The following RARS2 variants were observed in gnomAD, a reference collection of about 807,000 sequenced individuals.
The protein encoded by RARS2 is arginyl-tRNA synthetase 2, mitochondrial.
In RARS2, 67 loss-of-function variants were observed where a neutral mutation model predicts 88.5. The ratio of observed to expected loss-of-function variants is 0.76; its 90% confidence interval spans 0.62 to 0.93. The LOEUF is 0.93. Ranked by LOEUF, RARS2 falls within the 40% of genes least tolerant of loss-of-function variation. The pLI, the probability that RARS2 is intolerant of heterozygous loss-of-function variation, is 0.00. For missense variants in RARS2, 664 were observed against 684.2 expected, an observed-to-expected ratio of 0.97 and a Z score of 0.33; for synonymous variants, 239 against 230.3, an observed-to-expected ratio of 1.04 and a Z score of -0.34.
intron 3 of RARS2, 77 bp from the exon 4 acceptor site, chr6:87,562,862 T>C: frequency 8.3e-7 from 1 of 1,204,934 alleles, no homozygotes; most frequent in Non-Finnish European, 1.2e-6. Context: ...ATGCTATTTT[T>C]GGCTTACAAA....
chr6:87,553,189 T>G (rs1291777129), intron 5 of RARS2, among the ~76,000 whole-genome samples: 2 of 152,202 alleles, frequency 1.3e-5, no homozygotes, highest in Non-Finnish European at 2.9e-5. Context: ...GAGGTCTTGC[T>G]ACCCTGCGGG....
intron 1 of RARS2, among the ~76,000 whole-genome samples, chr6:87,589,463 A>T (rs769502837): frequency 1.3e-5 from 2 of 152,208 alleles, no homozygotes; most frequent in African/African-American, 2.4e-5. Flanking sequence ...GATAGCTCTT[A>T]TATCTTTGGG....
At chr6:87,586,532 T>G (rs1775209238) in intron 1 of RARS2, among the ~76,000 whole-genome samples, 1 of 152,216 alleles carries the variant, frequency 6.6e-6, no homozygotes, top group Non-Finnish European at 1.5e-5. Context: ...ATACAGTGAT[T>G]ACAGGCTGCA....
At chr6:87,573,750 C>A (rs780496646) in intron 1 of RARS2, among the ~76,000 whole-genome samples, 2 of 152,004 alleles carry the variant, frequency 1.3e-5, no homozygotes, top group Non-Finnish European at 2.9e-5. Context: ...ATGAAAGCTT[C>A]TTCACATAAT....
chr6:87,559,652 C>T (rs573310895), intron 4 of RARS2, among the ~76,000 whole-genome samples: 1 of 152,134 alleles, frequency 6.6e-6, no homozygotes, highest in Non-Finnish European at 1.5e-5. Flanking sequence ...CCACCATGTC[C>T]AGGCAAGAAA....
chr6:87,514,513 C>A lies in RARS2; in HGVS notation c.1651-14G>T. 3 of 1,586,804 alleles carry A rather than the reference C, an allele frequency of 1.9e-6. No homozygotes were observed. The highest frequency in any genetic ancestry group is 1.1e-5 in the South Asian group (1 of 90,430). On this transcript the variant is annotated splice_polypyrimidine_tract_variant and intron_variant, in intron 19 of 19. Transcript: ENST00000369536. ...ATGAAGTCTGGCCTACAAAATAAATCAAAGAATGATTTAAAATATTCAGTA... is the reference window on the plus strand; with the variant it reads ...ATGAAGTCTGGCCTACAAAATAAATAAAAGAATGATTTAAAATATTCAGTA...
chr6:87,555,663 T>G (rs895569692), intron 4 of RARS2, among the ~76,000 whole-genome samples, 158 bp from the exon 5 acceptor site: 3 of 152,260 alleles, frequency 2.0e-5, no homozygotes, highest in African/African-American at 7.2e-5. Context: ...CCACTTTTCT[T>G]GTTACTAATG....
chr6:87,527,705 AAAC>A (rs1776204034), intron 10 of RARS2, among the ~76,000 whole-genome samples: 4 of 152,330 alleles, frequency 2.6e-5, no homozygotes, highest in East Asian at 1.9e-4. Context: ...CTCAATGGAA[AAAC>A]AACAACAAAA....
At chr6:87,541,147 G>C (rs1014903158) in intron 8 of RARS2, among the ~76,000 whole-genome samples, 2 of 152,138 alleles carry the variant, frequency 1.3e-5, no homozygotes, top group Non-Finnish European at 2.9e-5. Context: ...CTTAGATTAG[G>C]AAATAAAAAT....
At chr6:87,580,778 GCTTA>G (rs1773249152) in intron 1 of RARS2, among the ~76,000 whole-genome samples, 1 of 151,570 alleles carries the variant, frequency 6.6e-6, no homozygotes, top group Non-Finnish European at 1.5e-5. Context: ...TTATTTATTT[GCTTA>G]CTTATTTTTA....
At chr6:87,571,607 T>C (rs1174008482) in intron 1 of RARS2, among the ~76,000 whole-genome samples, 1 of 152,122 alleles carries the variant, frequency 6.6e-6, no homozygotes, top group Non-Finnish European at 1.5e-5. Flanking sequence ...AAGGGAATGA[T>C]GGGGGAAACA....
At chr6:87,567,073 G>C (rs1457318215) in intron 2 of RARS2, among the ~76,000 whole-genome samples, 1 of 151,966 alleles carries the variant, frequency 6.6e-6, no homozygotes, top group East Asian at 1.9e-4. Context: ...CCAACATGGT[G>C]AAACCCCGTC....
intron 4 of RARS2, among the ~76,000 whole-genome samples, chr6:87,558,967 G>A (rs72922561): frequency 0.11 from 17,284 of 152,256 alleles, 1,055 homozygotes; most frequent in East Asian, 0.15. Flanking sequence ...AGACTTTCCA[G>A]TGGGACAAGA....
rs760974531 is a variant in RARS2 at position 87,519,180 on chromosome 6, A to ATGTGTG, written c.1238-290_1238-289insCACACA. On this transcript the variant is annotated intron_variant, in intron 14 of 19. Coordinates refer to ENST00000369536, the MANE Select transcript of RARS2 (RefSeq NM_020320.5). ...TGTATGTGTGTATATATATATAAAT[A>ATGTGTG]TATATGTGTGTGTGTGTGTGTGTGT... 202 of 200,958 alleles carry ATGTGTG rather than the reference A, an allele frequency of 1.0e-3. 1 individual carries two copies. Among genetic ancestry groups the ATGTGTG allele is most frequent in the East Asian group, 2.0e-3 (17 of 8,598 alleles). The allele number at this position is 200,958 out of a possible 1,614,324, so 12.4% of individuals were successfully genotyped here.
At position 87,514,038 on chromosome 6, in the gene RARS2, G is replaced by A. The variant is rs889362216; in HGVS notation, c.*375C>T. Among the ~76,000 whole-genome samples, 2 of 152,198 alleles carry A rather than the reference G, an allele frequency of 1.3e-5. No homozygotes were observed. The highest frequency in any genetic ancestry group is 2.4e-5 in the African/African-American group (1 of 41,448). The stretch of plus-strand genomic sequence containing the variant: ...AATAATAGTTTAACTTTGGCTGGGC[G>A]TGGTGGTTCATGCCTCTAATCCCAA... On this transcript the variant is annotated 3_prime_UTR_variant, in exon 20 of 20. Coordinates refer to ENST00000369536, the MANE Select transcript of RARS2 (RefSeq NM_020320.5).
intron 1 of RARS2, among the ~76,000 whole-genome samples, chr6:87,580,331 A>G (rs983059901): frequency 1.3e-5 from 2 of 152,164 alleles, no homozygotes; most frequent in Non-Finnish European, 2.9e-5. Context: ...AATATCCTAA[A>G]AAGGTTACAC....
chr6:87,562,121 T>G (rs1286793053), intron 4 of RARS2, among the ~76,000 whole-genome samples: 1 of 152,184 alleles, frequency 6.6e-6, no homozygotes, highest in Non-Finnish European at 1.5e-5. Context: ...CAAACTATCA[T>G]GTGTGGCTAA....
At chr6:87,545,017 C>T (rs139419452) in intron 7 of RARS2, among the ~76,000 whole-genome samples, 50 of 152,274 alleles carry the variant, frequency 3.3e-4, no homozygotes, top group African/African-American at 1.1e-3. Flanking sequence ...TACTTCTTCC[C>T]TGTATACTCA....
At chr6:87,560,739 T>A (rs1384255265) in intron 4 of RARS2, among the ~76,000 whole-genome samples, 2 of 152,092 alleles carry the variant, frequency 1.3e-5, no homozygotes, top group African/African-American at 4.8e-5. Context: ...AATACAAAAT[T>A]AGCTGGGCGC....
Sources: gnomAD v4.1 joint callset for allele counts (sites outside exome capture counted in the v4.1 genomes callset) on GRCh38, gnomAD v4.1.1 for gene constraint, MANE v1.5 for transcripts, NCBI Gene and HGNC (gene_info 2026-07-23, HGNC 2026-07-21) for gene names.